NAAA: variants seen among roughly 807,000 people sequenced by gnomAD.
NAAA encodes N-acylethanolamine acid amidase.
In NAAA, 39 loss-of-function variants were observed where a neutral mutation model predicts 44.8. That is an observed-to-expected ratio of 0.87 (90% CI 0.67 to 1.14). The LOEUF (loss-of-function observed/expected upper bound fraction) is 1.14, where lower values mean the gene tolerates loss of function less well. Among genes scored for constraint, NAAA ranks in the 50% most tolerant of loss-of-function variants. NAAA has a pLI of 0.00. For synonymous variants in NAAA, 178 were observed against 191.3 expected, an observed-to-expected ratio of 0.93 and a Z score of 0.58; for missense variants, 460 against 467.8, an observed-to-expected ratio of 0.98 and a Z score of 0.15.
chr4:75,920,938 C>T lies in NAAA; in HGVS notation c.839+13G>A. On this transcript the variant is annotated intron_variant, in intron 6 of 10. Transcript: ENST00000286733. ...TCTGATACAAAATGACCAGAGCTTT[C>T]AATTCTACTTACGCTCCATTCAAAG... The T allele has an allele frequency of 6.2e-7, 1 of 1,613,742 alleles. No homozygotes were observed. Among genetic ancestry groups the T allele is most frequent in the Non-Finnish European group, 8.5e-7 (1 of 1,179,958 alleles).
chr4:75,917,785 A>G, intron 9 of NAAA: 1 of 434,022 alleles, frequency 2.3e-6, no homozygotes, highest in Non-Finnish European at 4.6e-6. Context: ...TTAAAAAAAA[A>G]AAAAAAAGAA....
intron 2 of NAAA, among the ~76,000 whole-genome samples, chr4:75,939,414 A>ATTTTTT: frequency 7.3e-6 from 1 of 137,296 alleles, no homozygotes; most frequent in South Asian, 2.3e-4. Flanking sequence ...TTTGAGCAGA[A>ATTTTTT]TTTTTTTTTT....
chr4:75,940,682 G>T lies in NAAA; in HGVS notation c.206+62C>A, dbSNP rs1578097567. 3 of 1,512,858 alleles carry T rather than the reference G, an allele frequency of 2.0e-6. No individual in the cohort carries two copies. In the South Asian group the frequency reaches 3.7e-5, roughly 18 times the overall value. The allele number at this position is 1,512,858 out of a possible 1,614,324, so 93.7% of individuals were successfully genotyped here. On this transcript the variant is annotated intron_variant, in intron 1 of 10. Coordinates refer to ENST00000286733, the MANE Select transcript of NAAA (RefSeq NM_014435.4). ...CCGTTTAAAGCACTCTGAGCAGCGC[G>T]CGTTTGACTCCGACCCGCAGGGCCG...
chr4:75,911,396 T>C, downstream of NAAA: 1 of 476,728 alleles, frequency 2.1e-6, no homozygotes, highest in South Asian at 1.5e-5. Flanking sequence ...ACTATTGCAG[T>C]AGAGAAAGAG....
intron 5 of NAAA, among the ~76,000 whole-genome samples, chr4:75,925,219 T>G (rs1376059325): frequency 6.6e-6 from 1 of 152,168 alleles, no homozygotes; most frequent in Admixed American, 6.5e-5. Flanking sequence ...GTATTTTAAG[T>G]AGAGACAGGG....
At chr4:75,922,868 C>T (rs979116038) in intron 5 of NAAA, among the ~76,000 whole-genome samples, 6 of 152,186 alleles carry the variant, frequency 3.9e-5, no homozygotes, top group African/African-American at 1.2e-4. Context: ...TTCATTTTCT[C>T]TAACCTGTGA....
intron 4 of NAAA, among the ~76,000 whole-genome samples, chr4:75,929,945 C>G (rs1311740963): frequency 6.6e-6 from 1 of 151,998 alleles, no homozygotes; most frequent in Non-Finnish European, 1.5e-5. Flanking sequence ...CAAAAATTAG[C>G]CGGGTGTGGT....
chr4:75,921,164 A>T, intron 5 of NAAA, 41 bp from the exon 6 acceptor site: 1 of 1,529,804 alleles, frequency 6.5e-7, no homozygotes, highest in Non-Finnish European at 8.8e-7. Context: ...CCCCACCTGC[A>T]GTTGGGTCCA....
At chr4:75,925,857 A>G in intron 4 of NAAA, 46 bp from the exon 5 acceptor site, 1 of 1,532,018 alleles carries the variant, frequency 6.5e-7, no homozygotes. Flanking sequence ...GTATATATGT[A>G]CACACATGAA....
chr4:75,931,282 A>C lies in NAAA; in HGVS notation c.521T>G (p.Phe174Cys). Reference sequence around the variant, plus strand: ...AGTCCATAATCCTACATAGCCAATAAAAGTAGTTCCTGTGAATGCAATCTG... The same window carrying C: ...AGTCCATAATCCTACATAGCCAATACAAGTAGTTCCTGTGAATGCAATCTG... ...NGQIAFTGTT[F>C]IGYVGLWTGQ... The change falls in exon 4 of 11, where the codon TTT (phenylalanine) becomes TGT (cysteine). Residue 174 changes from phenylalanine (F) to cysteine (C), a missense_variant. By Grantham distance (205) the Phe-to-Cys change is radical. Coordinates refer to ENST00000286733, the MANE Select transcript of NAAA (RefSeq NM_014435.4). 6.2e-7 allele frequency: 1 copy of C among 1,611,460 alleles called. No individual in the cohort carries two copies. Among genetic ancestry groups the C allele is most frequent in the Non-Finnish European group, 8.5e-7 (1 of 1,177,864 alleles).
intron 5 of NAAA, among the ~76,000 whole-genome samples, chr4:75,925,236 T>C (rs984587594): frequency 1.3e-5 from 2 of 152,128 alleles, no homozygotes; most frequent in Non-Finnish European, 2.9e-5. Context: ...AGGGTTTCAC[T>C]GTGTTAGCCA....
At chr4:75,922,453 A>T (rs1726262696) in intron 5 of NAAA, among the ~76,000 whole-genome samples, 1 of 152,004 alleles carries the variant, frequency 6.6e-6, no homozygotes, top group Non-Finnish European at 1.5e-5. Context: ...TCCAGAGAGG[A>T]TCCTGCCCTG....
At chr4:75,931,418 G>C in intron 3 of NAAA, 114 bp from the exon 4 acceptor site, 1 of 707,812 alleles carries the variant, frequency 1.4e-6, no homozygotes, top group Non-Finnish European at 2.3e-6. Flanking sequence ...CAACACAATA[G>C]AATAAAACTC....
At chr4:75,933,225 T>C (rs540722516) in intron 3 of NAAA, among the ~76,000 whole-genome samples, 25 of 152,202 alleles carry the variant, frequency 1.6e-4, no homozygotes, top group Non-Finnish European at 2.6e-4. Flanking sequence ...AAATAGATAG[T>C]CCTAGATTGA....
At chr4:75,920,914 C>A (rs375631365) in intron 6 of NAAA, 37 bp downstream of exon 6, 359 of 1,613,380 alleles carry the variant, frequency 2.2e-4, no homozygotes, top group Non-Finnish European at 2.9e-4. Flanking sequence ...AAATGATTAT[C>A]TGATACAAAA....
intron 2 of NAAA, among the ~76,000 whole-genome samples, chr4:75,938,525 A>T (rs887621921): frequency 6.6e-6 from 1 of 152,346 alleles, no homozygotes; most frequent in South Asian, 2.1e-4. Flanking sequence ...CTGTGCCTGA[A>T]AGCATTTCCT....
chr4:75,940,883 C>A lies in NAAA; in HGVS notation c.67G>T (p.Ala23Ser), dbSNP rs779278345. 1.3e-6 allele frequency: 2 copies of A among 1,558,088 alleles called. No homozygotes were observed. Among genetic ancestry groups the A allele is most frequent in the Non-Finnish European group, 1.7e-6 (2 of 1,162,398 alleles). The change falls in exon 1 of 11, where the codon GCC (alanine) becomes TCC (serine). Residue 23 changes from alanine to serine, a missense_variant. By Grantham distance (99) the Ala-to-Ser change is moderately conservative. Coordinates refer to ENST00000286733, the MANE Select transcript of NAAA (RefSeq NM_014435.4). ...PSLLLLLLAG[A>S]GLSAASPPAA... ...GGGGGCGAGGCGGCTGACAGCCCGG[C>A]CCCGGCCAGCAGCAGCAGCAGCAGG...
At chr4:75,935,346 C>T (rs1727614257) in intron 3 of NAAA, 1 of 152,184 alleles carries the variant, frequency 6.6e-6, no homozygotes, top group South Asian at 2.1e-4. Context: ...CTTTTGCACT[C>T]TGTATTCTGT....
chr4:75,930,984 C>T (rs1727180079), intron 4 of NAAA, among the ~76,000 whole-genome samples: 1 of 152,190 alleles, frequency 6.6e-6, no homozygotes, highest in Non-Finnish European at 1.5e-5. Flanking sequence ...AACCACCCCA[C>T]CTCCTCCTTC....
Sources: gnomAD v4.1 joint callset for allele counts (sites outside exome capture counted in the v4.1 genomes callset) on GRCh38, gnomAD v4.1.1 for gene constraint, MANE v1.5 for transcripts, NCBI Gene and HGNC (gene_info 2026-07-23, HGNC 2026-07-21) for gene names.